Variants in LMNA observed in about 807,000 individuals in gnomAD.
LMNA encodes the protein lamin A/C, also known as lamin.
Under a neutral mutation model 70.4 loss-of-function variants are expected in LMNA, and 20 were observed. The observed-to-expected ratio is 0.28, with a 90% CI of 0.20 to 0.41. LMNA has a LOEUF of 0.41. Among genes scored for constraint, LMNA ranks in the 10% least tolerant of loss-of-function variants. The pLI is 1.00. For missense variants in LMNA, 652 were observed against 917.2 expected, an observed-to-expected ratio of 0.71 and a Z score of 3.73; for synonymous variants, 339 against 372.8, an observed-to-expected ratio of 0.91 and a Z score of 1.04.
At chr1:156,104,433 C>T (rs1364206910) in intron 3 of LMNA, among the ~76,000 whole-genome samples, 1 of 152,138 alleles carries the variant, frequency 6.6e-6, no homozygotes, top group Non-Finnish European at 1.5e-5. Flanking sequence ...TATGAGTCTC[C>T]CCTCTGTTCA....
Position 156,139,352 on chromosome 1 carries a change from C to T in LMNA, c.*246C>T. On this transcript the variant is annotated 3_prime_UTR_variant, in exon 12 of 12. Transcript: ENST00000368300. Reference sequence around the variant, plus strand: ...TCATCTATCTCAATCCTAATTTCTCCTCCCTTCCTTTTCCCTGCTTCCAGG... The same window carrying T: ...TCATCTATCTCAATCCTAATTTCTCTTCCCTTCCTTTTCCCTGCTTCCAGG... The T allele has an allele frequency of 2.1e-6, 3 of 1,400,628 alleles. No individual in the cohort carries two copies. Among genetic ancestry groups the T allele is most frequent in the Non-Finnish European group, 1.8e-6 (2 of 1,082,622 alleles). 86.8% of individuals were successfully genotyped at this position (1,400,628 alleles called of 1,614,324 possible).
rs1489498540 is a variant in LMNA at position 156,134,020 on chromosome 1, A to G, written c.514-383A>G. ...AGGGAGTCCTGTGGCTGGGGGGCAT[A>G]TATCTTTTCTTTTTGAGACAGAGTC... On this transcript the variant is annotated intron_variant, in intron 2 of 11. Transcript: ENST00000368300. This position sits in a 1 kb window ranked among gnomAD's most constrained non-coding sequence, Gnocchi z 5.3. Among the ~76,000 whole-genome samples, 11 of 147,540 alleles carry G rather than the reference A, an allele frequency of 7.5e-5. No homozygotes were observed. Among genetic ancestry groups the G allele is most frequent in the Non-Finnish European group, 1.5e-4 (10 of 67,728 alleles).
At chr1:156,102,872 G>T (rs189306924) in intron 3 of LMNA, among the ~76,000 whole-genome samples, 2 of 152,262 alleles carry the variant, frequency 1.3e-5, no homozygotes, top group African/African-American at 4.8e-5. Context: ...GCTCTCCAAG[G>T]GTCCCATATG....
intron 3 of LMNA, among the ~76,000 whole-genome samples, chr1:156,098,250 G>A (rs1649013494): frequency 6.6e-6 from 1 of 152,188 alleles, no homozygotes; most frequent in Non-Finnish European, 1.5e-5. Flanking sequence ...TTGTTTTGAA[G>A]GTGTGAAAGC....
At chr1:156,107,336 T>C (rs1254186213) in intron 3 of LMNA, among the ~76,000 whole-genome samples, 1 of 152,188 alleles carries the variant, frequency 6.6e-6, no homozygotes, top group Non-Finnish European at 1.5e-5. Flanking sequence ...CTCTTTGACA[T>C]CTGTCCAGTG....
rs1372843158 is a variant in LMNA, at chr1:156,139,584, A to AGAG, written c.*480_*482dup. Reference sequence around the variant, plus strand: ...AGGCTCACTGCCAGGCCAGCCTCCGAGAGGGAGAGAGAGAGAGAGAGGACA... The same window carrying AGAG: ...AGGCTCACTGCCAGGCCAGCCTCCGAGAGGAGGGAGAGAGAGAGAGAGAGGACA... On this transcript the variant is annotated 3_prime_UTR_variant, in exon 12 of 12. Transcript: ENST00000368300. 1.4e-6 allele frequency: 2 copies of AGAG among 1,398,230 alleles called. No homozygotes were observed. Among genetic ancestry groups the AGAG allele is most frequent in the African/African-American group, 1.5e-5 (1 of 67,516 alleles). 86.6% of individuals were successfully genotyped at this position (1,398,230 alleles called of 1,614,324 possible).
Position 156,103,447 on chromosome 1 carries a change from G to A in LMNA, c.-206-11266G>A, listed in dbSNP as rs1341440304. Among the ~76,000 whole-genome samples, 1 of 152,138 alleles carries A rather than the reference G, an allele frequency of 6.6e-6. No homozygotes were observed. The highest frequency in any genetic ancestry group is 1.5e-5 in the Non-Finnish European group (1 of 68,024). ...GGGACTCCTCTAACAGCTGTGGGGA[G>A]GGTGCCAGGATCCCCATTTTGCATA... On this transcript the variant is annotated intron_variant, in intron 3 of 12. Coordinates refer to the LMNA transcript ENST00000368301. The surrounding 1 kb of genome is among the most constrained non-coding windows in gnomAD (Gnocchi z 4.7).
intron 3 of LMNA, among the ~76,000 whole-genome samples, chr1:156,101,636 A>AAGGGAGGGAGGG (rs369909996): frequency 2.0e-5 from 2 of 101,922 alleles, no homozygotes; most frequent in African/African-American, 4.1e-5. Flanking sequence ...GGAAGGAAGG[A>AAGGGAGGGAGGG]AGGGAGGGAG....
Position 156,134,557 on chromosome 1 carries a change from G to T in LMNA, c.639+29G>T. On this transcript the variant is annotated intron_variant, in intron 3 of 11. Coordinates refer to ENST00000368300, the MANE Select transcript of LMNA (RefSeq NM_170707.4). The surrounding 1 kb of genome is among the most constrained non-coding windows in gnomAD (Gnocchi z 5.3). ...GGGACTGTGCTTTGCAAGCCAGAGG[G>T]CTGGGGCTGGGTGATGACAGACTTG... The T allele has an allele frequency of 6.2e-7, 1 of 1,613,092 alleles. No homozygotes were observed. Among genetic ancestry groups the T allele is most frequent in the Non-Finnish European group, 8.5e-7 (1 of 1,179,928 alleles).
rs1651666060 is a variant in LMNA at position 156,136,658 on chromosome 1, A to T, written c.1380+222A>T. 2 of 667,104 alleles carry T rather than the reference A, an allele frequency of 3.0e-6. No homozygotes were observed. Among genetic ancestry groups the T allele is most frequent in the Admixed American group, 2.2e-5 (1 of 44,850 alleles). The allele number at this position is 667,104 out of a possible 1,614,324, so 41.3% of individuals were successfully genotyped here. On this transcript the variant is annotated intron_variant, in intron 7 of 11. Transcript: ENST00000368300. The surrounding 1 kb of genome is among the most constrained non-coding windows in gnomAD (Gnocchi z 6.1). Reference sequence around the variant, plus strand: ...AACCTCTCAGAGCATCAGTTTCCTCATCTGTAAAATGGGGATGAATACTGA... The same window carrying T: ...AACCTCTCAGAGCATCAGTTTCCTCTTCTGTAAAATGGGGATGAATACTGA...
intron 1 of LMNA, among the ~76,000 whole-genome samples, chr1:156,123,588 T>C (rs1239212578): frequency 6.6e-6 from 1 of 152,088 alleles, no homozygotes; most frequent in Admixed American, 6.6e-5. Flanking sequence ...GACATTCTAC[T>C]ATCTTCTTAG....
At chr1:156,113,634 C>T (rs1172238053), upstream of LMNA, among the ~76,000 whole-genome samples, 1 of 151,962 alleles carries the variant, frequency 6.6e-6, no homozygotes, top group Non-Finnish European at 1.5e-5. Context: ...CCTTCTTGCC[C>T]CCCACTACCT....
At chr1:156,120,078 G>A (rs1035073552) in intron 1 of LMNA, among the ~76,000 whole-genome samples, 3 of 152,150 alleles carry the variant, frequency 2.0e-5, no homozygotes, top group African/African-American at 7.2e-5. Context: ...AAGCAGAAGC[G>A]CTACTTCCAC....
At chr1:156,104,638 C>T (rs905330441) in intron 3 of LMNA, among the ~76,000 whole-genome samples, 1 of 152,080 alleles carries the variant, frequency 6.6e-6, no homozygotes, top group Non-Finnish European at 1.5e-5. Context: ...AGTGAGGTCC[C>T]ACCCCCTAAG....
At chr1:156,116,300 G>A (rs1572334285) in intron 1 of LMNA, among the ~76,000 whole-genome samples, 2 of 152,270 alleles carry the variant, frequency 1.3e-5, no homozygotes, top group Middle Eastern at 6.8e-3. Flanking sequence ...CCAGCCGTTG[G>A]AAGATTCAGG....
At chr1:156,111,247 G>C (rs544908537), upstream of LMNA, among the ~76,000 whole-genome samples, 1 of 151,734 alleles carries the variant, frequency 6.6e-6, no homozygotes, top group African/African-American at 2.4e-5. Flanking sequence ...TCAGGAGTTC[G>C]AGACCAGCCT....
rs779407084 is a variant in LMNA at position 156,136,149 on chromosome 1, C to G, written c.1157+28C>G. 1 of 1,613,138 alleles carries G rather than the reference C, an allele frequency of 6.2e-7. No individual in the cohort carries two copies. Among genetic ancestry groups the G allele is most frequent in the Admixed American group, 1.7e-5 (1 of 60,010 alleles). The stretch of plus-strand genomic sequence containing the variant: ...GGGCTGGGGAGACGTCGGGGAGGTG[C>G]TGGCAGTGTCCTCTGGCCGGCAACT... On this transcript the variant is annotated intron_variant, in intron 6 of 11. Coordinates refer to ENST00000368300, the MANE Select transcript of LMNA (RefSeq NM_170707.4). This position sits in a 1 kb window ranked among gnomAD's most constrained non-coding sequence, Gnocchi z 6.1.
At chr1:156,111,818 G>C (rs1206204973), upstream of LMNA, among the ~76,000 whole-genome samples, 1 of 152,190 alleles carries the variant, frequency 6.6e-6, no homozygotes, top group Non-Finnish European at 1.5e-5. Context: ...CAGTTAAGAG[G>C]TAGGATTAGA....
chr1:156,112,622 G>A (rs766033033), upstream of LMNA, among the ~76,000 whole-genome samples: 3 of 152,352 alleles, frequency 2.0e-5, no homozygotes, highest in Non-Finnish European at 4.4e-5. Flanking sequence ...AGCTGAGGGT[G>A]GGTGCCACGC....
Sources: gnomAD v4.1 joint callset for allele counts (sites outside exome capture counted in the v4.1 genomes callset) on GRCh38, gnomAD v4.1.1 for gene constraint, Gnocchi (gnomAD v3.1) non-coding constraint, MANE v1.5 for transcripts, NCBI Gene and HGNC (gene_info 2026-07-23, HGNC 2026-07-21) for gene names.